ADGRB3: variants seen among roughly 807,000 people sequenced by gnomAD.
The protein encoded by ADGRB3 is adhesion G protein-coupled receptor B3, also known as brain-specific angiogenesis inhibitor 3.
A neutral mutation model predicts 193.4 loss-of-function variants in ADGRB3; 37 were observed. The observed-to-expected ratio is 0.19, with a 90% CI of 0.15 to 0.25. ADGRB3 has a LOEUF of 0.25. Ranked by LOEUF, ADGRB3 falls within the 10% of genes least tolerant of loss-of-function variation. The pLI is 1.00. For missense variants in ADGRB3, 1,637 were observed against 1,852.9 expected (o/e 0.88, Z 2.14); for synonymous variants, 690 against 644.2 (o/e 1.07, Z -1.08).
intron 3 of ADGRB3, among the ~76,000 whole-genome samples, chr6:68,808,576 A>G (rs1305286046): frequency 6.6e-6 from 1 of 152,210 alleles, no homozygotes. Flanking sequence ...TAAAATGGAA[A>G]CACCAAATTA....
chr6:69,366,057 T>C (rs928068094), intron 29 of ADGRB3, among the ~76,000 whole-genome samples: 4 of 152,126 alleles, frequency 2.6e-5, no homozygotes, highest in African/African-American at 9.6e-5. Context: ...ACTGGGGCAC[T>C]CTGTCACTAA....
chr6:68,752,901 G>T (rs950609463), intron 3 of ADGRB3, among the ~76,000 whole-genome samples: 1 of 152,186 alleles, frequency 6.6e-6, no homozygotes, highest in African/African-American at 2.4e-5. Context: ...AGCAGACCTT[G>T]GGTCATAGAA....
chr6:68,685,904 A>G (rs1354553690), intron 3 of ADGRB3, among the ~76,000 whole-genome samples: 1 of 152,088 alleles, frequency 6.6e-6, no homozygotes, highest in Non-Finnish European at 1.5e-5. Context: ...AAATATATAT[A>G]TACTTTATTT....
chr6:68,993,745 C>T (rs897959978), intron 10 of ADGRB3, 23 bp from the exon 11 acceptor site: 20 of 1,596,830 alleles, frequency 1.3e-5, no homozygotes, highest in Non-Finnish European at 1.6e-5. Flanking sequence ...CTGATGTTTG[C>T]TCTGTTCTTT....
intron 17 of ADGRB3, among the ~76,000 whole-genome samples, chr6:69,185,362 G>A (rs1216222585): frequency 6.6e-6 from 1 of 151,940 alleles, no homozygotes; most frequent in Non-Finnish European, 1.5e-5. Flanking sequence ...TCACTTCTTT[G>A]GCCATTAGGC....
At chr6:69,127,060 A>G (rs1036294889) in intron 17 of ADGRB3, among the ~76,000 whole-genome samples, 9 of 152,332 alleles carry the variant, frequency 5.9e-5, no homozygotes, top group African/African-American at 1.9e-4. Flanking sequence ...GTGTGTGGGA[A>G]GCAAAAGTGA....
intron 17 of ADGRB3, among the ~76,000 whole-genome samples, chr6:69,080,212 G>A (rs1772348183): frequency 6.6e-6 from 1 of 151,804 alleles, no homozygotes; most frequent in Admixed American, 6.6e-5. Context: ...CTTATTTCAG[G>A]GAAGTTGACA....
intron 12 of ADGRB3, among the ~76,000 whole-genome samples, chr6:69,015,506 A>G (rs1770061610): frequency 6.6e-6 from 1 of 152,052 alleles, no homozygotes; most frequent in Non-Finnish European, 1.5e-5. Context: ...AGGCGGTGTC[A>G]TAAATGCAGC....
At chr6:68,757,128 T>A (rs1354132848) in intron 3 of ADGRB3, among the ~76,000 whole-genome samples, 3 of 152,132 alleles carry the variant, frequency 2.0e-5, no homozygotes, top group African/African-American at 7.2e-5. Flanking sequence ...TATTCATCCC[T>A]CCTGTTCTTT....
chr6:68,975,337 T>C lies in ADGRB3; in HGVS notation c.1731T>C (p.His577=). ...CAAATGAGTACAGACACTTGCAGCA[T>C]TCAGTAGGTGCAAAGCCAGCTTTAG... ...CISNEYRHLQ[H]SIKEHLAKGQ... The change falls in exon 10 of 32, where the codon CAT becomes CAC. Residue 577 remains histidine, a synonymous_variant. Coordinates refer to ENST00000370598, the MANE Select transcript of ADGRB3 (RefSeq NM_001704.3). 1 of 1,611,802 alleles carries C rather than the reference T, an allele frequency of 6.2e-7. No homozygotes were observed. Among genetic ancestry groups the C allele is most frequent in the South Asian group, 1.1e-5 (1 of 90,956 alleles).
chr6:69,325,320 A>C (rs1768544279), intron 21 of ADGRB3, among the ~76,000 whole-genome samples: 1 of 152,204 alleles, frequency 6.6e-6, no homozygotes, highest in Admixed American at 6.5e-5. Context: ...ATATTTTCTG[A>C]AAGTGCAAAA....
intron 24 of ADGRB3, among the ~76,000 whole-genome samples, chr6:69,338,670 C>A (rs569447469): frequency 1.1e-4 from 16 of 152,210 alleles, no homozygotes; most frequent in Middle Eastern, 6.8e-3. Flanking sequence ...TCAATAGACA[C>A]AAGGGCCACT....
chr6:68,855,546 T>A (rs1008515360), intron 3 of ADGRB3, among the ~76,000 whole-genome samples: 38 of 151,980 alleles, frequency 2.5e-4, no homozygotes, highest in Admixed American at 1.6e-3. Context: ...CTAAAATATA[T>A]CCTTTGATAT....
At chr6:68,779,228 TTATGTG>T (rs1362235692) in intron 3 of ADGRB3, among the ~76,000 whole-genome samples, 9 of 93,292 alleles carry the variant, frequency 9.6e-5, no homozygotes, top group African/African-American at 2.7e-4. Context: ...TATGTATATA[TTATGTG>T]TGTGTGTGTG....
At chr6:68,736,399 G>A (rs1765872185) in intron 3 of ADGRB3, among the ~76,000 whole-genome samples, 1 of 152,132 alleles carries the variant, frequency 6.6e-6, no homozygotes, top group Admixed American at 6.6e-5. Flanking sequence ...ACTGTATTAA[G>A]TGGCACTCTA....
chr6:69,009,191 GA>G (rs756202551), intron 11 of ADGRB3, among the ~76,000 whole-genome samples: 2 of 151,808 alleles, frequency 1.3e-5, no homozygotes, highest in Non-Finnish European at 2.9e-5. Flanking sequence ...ACTAGTAGAG[GA>G]AAAAACCCTA....
intron 3 of ADGRB3, among the ~76,000 whole-genome samples, chr6:68,813,086 G>A (rs1767550161): frequency 6.6e-6 from 1 of 152,122 alleles, no homozygotes; most frequent in Non-Finnish European, 1.5e-5. Flanking sequence ...GGACCCAGGG[G>A]GAGGTCATTG....
At chr6:69,286,801 T>TA (rs1487568284) in intron 20 of ADGRB3, among the ~76,000 whole-genome samples, 1 of 151,974 alleles carries the variant, frequency 6.6e-6, no homozygotes, top group Non-Finnish European at 1.5e-5. Context: ...TTCCAACTGC[T>TA]AAAAAAAATA....
chr6:69,055,127 A>G (rs1347140868), intron 15 of ADGRB3, among the ~76,000 whole-genome samples: 1 of 152,192 alleles, frequency 6.6e-6, no homozygotes, highest in Non-Finnish European at 1.5e-5. Context: ...TGATTTTTCT[A>G]TAACTGCATT....
Sources: gnomAD v4.1 joint callset for allele counts (sites outside exome capture counted in the v4.1 genomes callset) on GRCh38, gnomAD v4.1.1 for gene constraint, MANE v1.5 for transcripts, NCBI Gene and HGNC (gene_info 2026-07-23, HGNC 2026-07-21) for gene names.